Variants in NR3C1 observed in about 807,000 individuals in gnomAD.
The protein encoded by NR3C1 is nuclear receptor subfamily 3 group C member 1, also known as glucocorticoid receptor.
A neutral mutation model predicts 74.0 loss-of-function variants in NR3C1; 14 were observed. The ratio of observed to expected loss-of-function variants is 0.19; its 90% CI spans 0.12 to 0.30. The LOEUF (loss-of-function observed/expected upper bound fraction) is 0.30, where lower values mean the gene tolerates loss of function less well. NR3C1 is among the 10% of genes least tolerant of loss of function. NR3C1 has a pLI of 1.00. For synonymous variants in NR3C1, 308 were observed against 332.5 expected, an observed-to-expected ratio of 0.93 and a Z score of 0.80; for missense variants, 695 against 909.8, an observed-to-expected ratio of 0.76 and a Z score of 3.04.
intron 2 of NR3C1, among the ~76,000 whole-genome samples, chr5:143,373,812 C>A (rs1379192623): frequency 6.6e-6 from 1 of 151,964 alleles, no homozygotes; most frequent in Non-Finnish European, 1.5e-5. Context: ...GGGCATCCAG[C>A]GAGCACCAAA....
Position 143,424,643 on chromosome 5 carries a change from AAATAGACAC to A in NR3C1, c.-14+9880_-14+9888del, listed in dbSNP as rs1286229038. 5.3e-5 allele frequency among the ~76,000 whole-genome samples: 8 copies of A among 152,198 alleles called. No homozygotes were observed. In the South Asian group the frequency reaches 1.7e-3, roughly 32 times the overall value. On this transcript the variant is annotated intron_variant, in intron 1 of 8. Transcript: ENST00000343796. ...ATGGCATTATAGTCTAATTAGTGGA[AAATAGACAC>A]ATAAACAAATAAAGATATGTATGTG...
At chr5:143,306,075 A>G (rs1248544532) in intron 4 of NR3C1, among the ~76,000 whole-genome samples, 1 of 152,228 alleles carries the variant, frequency 6.6e-6, no homozygotes, top group Non-Finnish European at 1.5e-5. Context: ...AAAAACATTT[A>G]GTTTCAAGAG....
chr5:143,284,640 ATTTT>A (rs909133743), intron 7 of NR3C1, among the ~76,000 whole-genome samples: 2 of 151,698 alleles, frequency 1.3e-5, no homozygotes, highest in East Asian at 1.9e-4. Context: ...TCCATCTTAA[ATTTT>A]TTTTTAATGT....
intron 2 of NR3C1, among the ~76,000 whole-genome samples, chr5:143,327,436 A>T (rs2151681637): frequency 6.6e-6 from 1 of 152,210 alleles, no homozygotes; most frequent in African/African-American, 2.4e-5. Flanking sequence ...CTCCCTCTCA[A>T]ATCCCATGTC....
intron 2 of NR3C1, among the ~76,000 whole-genome samples, chr5:143,376,886 TGGA>T (rs780195025): frequency 5.3e-5 from 8 of 152,150 alleles, no homozygotes; most frequent in Admixed American, 2.6e-4. Context: ...TAAGGTGCGG[TGGA>T]GGACTGGAGA....
chr5:143,415,907 A>G (rs1329923570), intron 1 of NR3C1, among the ~76,000 whole-genome samples: 2 of 152,200 alleles, frequency 1.3e-5, no homozygotes, highest in Non-Finnish European at 2.9e-5. Context: ...GAAAAAATCA[A>G]TTAGAGCAGT....
At chr5:143,339,784 A>T (rs1259631906) in intron 2 of NR3C1, among the ~76,000 whole-genome samples, 2 of 152,224 alleles carry the variant, frequency 1.3e-5, no homozygotes, top group African/African-American at 4.8e-5. Flanking sequence ...TCTTAAAAAC[A>T]AAAGGAAGTT....
chr5:143,279,519 C>A lies in NR3C1; in HGVS notation c.*2370G>T. The A allele has an allele frequency of 9.3e-7, 1 of 1,076,776 alleles. No homozygotes were observed. The highest frequency in any genetic ancestry group is 1.3e-6 in the Non-Finnish European group (1 of 794,170). 66.7% of individuals were successfully genotyped at this position (1,076,776 alleles called of 1,614,324 possible). Reference sequence around the variant, plus strand: ...CTTAGGCACCAAAAATTTATCCAGCCGGGTTACACACCATCTTAAAATATT... The same window carrying A: ...CTTAGGCACCAAAAATTTATCCAGCAGGGTTACACACCATCTTAAAATATT... On this transcript the variant is annotated 3_prime_UTR_variant, in exon 9 of 9. Coordinates refer to ENST00000394464, the MANE Select transcript of NR3C1 (RefSeq NM_000176.3).
At chr5:143,353,789 T>G (rs1222380522) in intron 2 of NR3C1, among the ~76,000 whole-genome samples, 1 of 152,132 alleles carries the variant, frequency 6.6e-6, no homozygotes, top group Non-Finnish European at 1.5e-5. Flanking sequence ...GGTCTTCGGA[T>G]TTTTGGAGTG....
chr5:143,401,487 C>T (rs1840274788), intron 1 of NR3C1: 1 of 155,202 alleles, frequency 6.4e-6, no homozygotes, highest in Non-Finnish European at 1.4e-5. Flanking sequence ...GGCTTTTTAA[C>T]CCATACTTCT....
At position 143,400,621 on chromosome 5, in the gene NR3C1, C is replaced by T. The variant is rs1487800768; in HGVS notation, c.219G>A (p.Ala73=). 2.5e-6 allele frequency: 4 copies of T among 1,614,092 alleles called. No homozygotes were observed. Among genetic ancestry groups the T allele is most frequent in the Non-Finnish European group, 2.5e-6 (3 of 1,180,042 alleles). Residue 73 remains alanine, a synonymous_variant, in exon 2 of 9, where the codon GCG becomes GCA. Coordinates refer to ENST00000394464, the MANE Select transcript of NR3C1 (RefSeq NM_000176.3). ...CTGCTTTGGACAGATCTGGCTGCTG[C>T]GCATTGCTTACTGAGCCTTTTGGAA... ...VDFPKGSVSN[A]QQPDLSKAVS...
intron 1 of NR3C1, among the ~76,000 whole-genome samples, chr5:143,409,922 T>C (rs927832502): frequency 2.0e-5 from 3 of 152,258 alleles, no homozygotes; most frequent in African/African-American, 7.2e-5. Context: ...TGTGCTCATA[T>C]GCGTGAAATG....
chr5:143,332,683 A>G (rs1157582277), intron 2 of NR3C1: 2 of 1,581,652 alleles, frequency 1.3e-6, no homozygotes, highest in Admixed American at 3.3e-5. Flanking sequence ...TCCTGGCGGC[A>G]GAAACGTGAC....
intron 1 of NR3C1, among the ~76,000 whole-genome samples, chr5:143,413,373 A>G (rs1251876862): frequency 6.6e-6 from 1 of 151,946 alleles, no homozygotes; most frequent in Non-Finnish European, 1.5e-5. Flanking sequence ...GGAAGCTTGT[A>G]GACAACATTC....
At chr5:143,313,858 A>G (rs1364733917) in intron 3 of NR3C1, 144 bp downstream of exon 3, 1 of 737,936 alleles carries the variant, frequency 1.4e-6, no homozygotes, top group African/African-American at 1.8e-5. Flanking sequence ...CCTGCCCATT[A>G]GAGGACCTAG....
intron 1 of NR3C1, among the ~76,000 whole-genome samples, chr5:143,433,452 TTA>T (rs70995004): frequency 0.21 from 24,645 of 118,942 alleles, 3,421 homozygotes; most frequent in Non-Finnish European, 0.27. Context: ...TTTATTTAAA[TTA>T]TATATATATA....
intron 1 of NR3C1, among the ~76,000 whole-genome samples, chr5:143,432,501 G>T (rs1751878617): frequency 6.6e-6 from 1 of 152,102 alleles, no homozygotes; most frequent in Non-Finnish European, 1.5e-5. Flanking sequence ...ATTTCTGGCT[G>T]CACGTCAGCA....
intron 2 of NR3C1, among the ~76,000 whole-genome samples, chr5:143,319,953 G>A (rs559562631): frequency 2.0e-5 from 3 of 152,290 alleles, no homozygotes; most frequent in East Asian, 3.9e-4. Flanking sequence ...TGGACTATAC[G>A]GCTTAGTTAT....
upstream of NR3C1, chr5:143,404,115 G>A (rs1840869793): frequency 6.1e-6 from 6 of 985,384 alleles, no homozygotes; most frequent in South Asian, 1.4e-4. Flanking sequence ...CCCCTTGGCG[G>A]CAAGCGCCGC....
Sources: allele counts gnomAD v4.1 joint callset (sites outside exome capture counted in the v4.1 genomes callset), GRCh38; gene constraint gnomAD v4.1.1; transcripts MANE v1.5; gene names NCBI Gene and HGNC (gene_info 2026-07-23, HGNC 2026-07-21).